The following TLCD3B variants were observed in gnomAD, a reference collection of about 807,000 sequenced individuals.
TLCD3B encodes the protein ceramide synthase.
In TLCD3B, 9 loss-of-function variants were observed where a neutral mutation model predicts 23.0. The ratio of observed to expected loss-of-function variants is 0.39; its 90% confidence interval spans 0.24 to 0.68. The LOEUF (loss-of-function observed/expected upper bound fraction) is 0.68. Ranked by LOEUF, TLCD3B falls within the 30% of genes least tolerant of loss-of-function variation. The pLI, the probability that TLCD3B is intolerant of heterozygous loss-of-function variation, is 0.44. For synonymous variants in TLCD3B, 161 were observed against 161.0 expected (o/e 1.00, Z 0.00); for missense variants, 307 against 371.8 (o/e 0.83, Z 1.43).
At chr16:30,034,809 AAAGTGGGGTGTTATTAT>A (rs2071435593), upstream of TLCD3B, among the ~76,000 whole-genome samples, 2 of 152,260 alleles carry the variant, frequency 1.3e-5, no homozygotes, top group African/African-American at 4.8e-5. Flanking sequence ...CGAAGAAAGG[AAAGTGGGGTGTTATTAT>A]TAAGCCCATT....
rs922607218 is a variant in TLCD3B at position 30,029,701 on chromosome 16, G to A, written c.126-186C>T. ...CACCACAGGTACCTCACGGCTCTCC[G>A]GCCCGCTCGGCTGCTGTTCCTCAGT... On this transcript the variant is annotated intron_variant, in intron 1 of 4. Transcript: ENST00000380495. The surrounding 1 kb of genome is among the most constrained non-coding windows in gnomAD (Gnocchi z 4.6). Among the ~76,000 whole-genome samples, 1 of 152,186 alleles carries A rather than the reference G, an allele frequency of 6.6e-6. No individual in the cohort carries two copies. The highest frequency in any genetic ancestry group is 2.4e-5 in the African/African-American group (1 of 41,442).
intron 2 of TLCD3B, among the ~76,000 whole-genome samples, chr16:30,044,858 G>T (rs935515020): frequency 2.6e-5 from 4 of 152,010 alleles, no homozygotes; most frequent in Non-Finnish European, 5.9e-5. Flanking sequence ...CGGGCGGCGG[G>T]GGGGTGCGGA....
chr16:30,030,218 G>A, intron 1 of TLCD3B, 185 bp downstream of exon 1: 2 of 1,240,936 alleles, frequency 1.6e-6, no homozygotes, highest in Non-Finnish European at 2.3e-6. Flanking sequence ...CGGGCTGGAT[G>A]AGGTCTCCCA....
intron 2 of TLCD3B, chr16:30,027,242 C>T (rs181127003): frequency 2.6e-5 from 12 of 452,852 alleles, no homozygotes; most frequent in Admixed American, 2.4e-4. Flanking sequence ...GCTGAAGGGG[C>T]GAGAGTGCTG....
At chr16:30,042,719 CA>C (rs201833957) in intron 2 of TLCD3B, among the ~76,000 whole-genome samples, 6 of 150,656 alleles carry the variant, frequency 4.0e-5, no homozygotes, top group African/African-American at 7.3e-5. Flanking sequence ...TGTTTCCCCA[CA>C]AAAAAAAACC....
Position 30,026,588 on chromosome 16 carries a change from G to A in TLCD3B, c.444+21C>T, listed in dbSNP as rs200158999. ...GGAGCAGGCCACCCGCACCCCGCCC[G>A]CCCAGCTCCCCGGGACTCACCACTG... On this transcript the variant is annotated intron_variant, in intron 3 of 4. Coordinates refer to ENST00000380495, the MANE Select transcript of TLCD3B (RefSeq NM_031478.6). 56 of 1,040,614 alleles carry A rather than the reference G, an allele frequency of 5.4e-5. No individual in the cohort carries two copies. In the East Asian group the frequency reaches 6.5e-4, roughly 12 times the overall value. The allele number at this position is 1,040,614 out of a possible 1,614,324, so 64.5% of individuals were successfully genotyped here. A position where few individuals can be genotyped will look rare whatever the true frequency, so the allele number is the denominator to read the frequency against.
At chr16:30,038,341 C>T (rs2071511607) in intron 3 of TLCD3B, among the ~76,000 whole-genome samples, 1 of 152,046 alleles carries the variant, frequency 6.6e-6, no homozygotes, top group South Asian at 2.1e-4. Flanking sequence ...AGTACCAGCA[C>T]TTTGGGAGGC....
chr16:30,035,965 G>GT (rs2071464787), upstream of TLCD3B, among the ~76,000 whole-genome samples: 1 of 152,142 alleles, frequency 6.6e-6, no homozygotes, highest in African/African-American at 2.4e-5. Context: ...ACTTTACTGT[G>GT]TTGGCCAGGA....
At chr16:30,044,732 A>C (rs1158643024) in intron 2 of TLCD3B, among the ~76,000 whole-genome samples, 3 of 152,182 alleles carry the variant, frequency 2.0e-5, no homozygotes, top group African/African-American at 7.2e-5. Context: ...TTCTAGCTAG[A>C]TACTATGGGC....
chr16:30,051,389 TG>T, intron 1 of TLCD3B, among the ~76,000 whole-genome samples: 1 of 151,018 alleles, frequency 6.6e-6, no homozygotes, highest in East Asian at 1.9e-4. Flanking sequence ...CAAAATTAGC[TG>T]GGCATGGTGG....
intron 3 of TLCD3B, among the ~76,000 whole-genome samples, chr16:30,039,209 C>T (rs1050517925): frequency 2.7e-5 from 4 of 148,400 alleles, no homozygotes; most frequent in Non-Finnish European, 5.9e-5. Flanking sequence ...CCGCAAACGT[C>T]GCCTCCCAGA....
At chr16:30,032,513 C>A (rs1567303415), upstream of TLCD3B, among the ~76,000 whole-genome samples, 1 of 152,004 alleles carries the variant, frequency 6.6e-6, no homozygotes, top group Non-Finnish European at 1.5e-5. Flanking sequence ...CAGCCCTTCA[C>A]GGGAGGGGGA....
Position 30,045,387 on chromosome 16 carries a change from G to A in TLCD3B, c.-229+936C>T, listed in dbSNP as rs1027365870. 1.6e-4 allele frequency among the ~76,000 whole-genome samples: 22 copies of A among 136,012 alleles called. No individual in the cohort carries two copies. In the East Asian group the frequency reaches 3.7e-3, roughly 23 times the overall value. 89.2% of individuals were successfully genotyped at this position (136,012 alleles called of 152,430 possible). ...TGTGTGGTTTGTGTGTGTGGTGTGC[G>A]TGGGTATGGTGTGTGTGGTGTGTGG... On this transcript the variant is annotated intron_variant, in intron 2 of 6. Coordinates refer to the TLCD3B transcript ENST00000561666.
intron 1 of TLCD3B, among the ~76,000 whole-genome samples, chr16:30,047,932 A>G (rs1172973370): frequency 2.0e-5 from 3 of 151,322 alleles, no homozygotes; most frequent in Non-Finnish European, 3.0e-5. Flanking sequence ...ACCTGAGGTC[A>G]GAAGTTCAAG....
In TLCD3B at chr16:30,039,103, C is replaced by CTTTTTTTTTTTTTTTTTTTTTTTTTT. The variant is rs1018184417; in HGVS notation, c.-67+1866_-67+1891dup. Among the ~76,000 whole-genome samples, 3 of 99,616 alleles carry CTTTTTTTTTTTTTTTTTTTTTTTTTT rather than the reference C, an allele frequency of 3.0e-5. 1 individual carries two copies. The highest frequency in any genetic ancestry group is 5.7e-5 in the Non-Finnish European group (3 of 52,682). The allele number at this position is 99,616 out of a possible 152,430, so 65.4% of individuals were successfully genotyped here. A position where few individuals can be genotyped will look rare whatever the true frequency, so the allele number is the denominator to read the frequency against. ...TTATCCTTCTCCTCCTCCTTCCTCT[C>CTTTTTTTTTTTTTTTTTTTTTTTTTT]TTTTTTTTTTTTTTTTTTTTTTTTT... On this transcript the variant is annotated intron_variant, in intron 3 of 6. Coordinates refer to the TLCD3B transcript ENST00000561666.
rs985457667 is a variant in TLCD3B, at chr16:30,029,935, G to A, written c.126-420C>T. 6.2e-6 allele frequency: 6 copies of A among 964,784 alleles called. 1 individual carries two copies. Among genetic ancestry groups the A allele is most frequent in the South Asian group, 5.5e-5 (4 of 72,694 alleles). The allele number at this position is 964,784 out of a possible 1,614,324, so 59.8% of individuals were successfully genotyped here. ...CTCACTCTGGACCCTTTGTGACCCC[G>A]AGTTCCCCAGTCACTTTCCCACTGT... On this transcript the variant is annotated intron_variant, in intron 1 of 4. Coordinates refer to ENST00000380495, the MANE Select transcript of TLCD3B (RefSeq NM_031478.6). This position sits in a 1 kb window ranked among gnomAD's most constrained non-coding sequence, Gnocchi z 4.6.
At chr16:30,047,901 G>A (rs989356440) in intron 1 of TLCD3B, among the ~76,000 whole-genome samples, 1 of 150,672 alleles carries the variant, frequency 6.6e-6, no homozygotes, top group Non-Finnish European at 1.5e-5. Flanking sequence ...CAGCCCTTTG[G>A]GAGGCCAAGG....
At position 30,036,686 on chromosome 16, in the gene TLCD3B, C is replaced by T. The variant is rs534284325; in HGVS notation, c.-66-472G>A. Among the ~76,000 whole-genome samples, 25 of 152,314 alleles carry T rather than the reference C, an allele frequency of 1.6e-4. No homozygotes were observed. The East Asian group carries it at 4.4e-3, about 27-fold the overall frequency. Reference sequence around the variant, plus strand: ...TCCTGTGGGGGCTGGGGGGCGGTTCCAGCAAGCCTTGCCTAGAATTGGCCA... The same window carrying T: ...TCCTGTGGGGGCTGGGGGGCGGTTCTAGCAAGCCTTGCCTAGAATTGGCCA... On this transcript the variant is annotated intron_variant, in intron 3 of 6. Transcript: ENST00000561666.
intron 2 of TLCD3B, among the ~76,000 whole-genome samples, chr16:30,043,058 C>T (rs2071602249): frequency 6.6e-6 from 1 of 152,092 alleles, no homozygotes; most frequent in South Asian, 2.1e-4. Flanking sequence ...CGAGATCAGA[C>T]CACTGCACTC....
Sources: gnomAD v4.1 joint callset for allele counts (sites outside exome capture counted in the v4.1 genomes callset) on GRCh38, gnomAD v4.1.1 for gene constraint, Gnocchi (gnomAD v3.1) non-coding constraint, MANE v1.5 for transcripts, NCBI Gene and HGNC (gene_info 2026-07-23, HGNC 2026-07-21) for gene names.